Variants in DNER observed in about 807,000 individuals in gnomAD.
DNER encodes the protein delta/notch like EGF repeat containing.
Under a neutral mutation model 78.2 loss-of-function variants are expected in DNER, and 33 were observed. The ratio of observed to expected loss-of-function variants is 0.42; its 90% CI spans 0.32 to 0.56. DNER has a LOEUF of 0.56. Ranked by LOEUF, DNER falls within the 20% of genes least tolerant of loss-of-function variation. The probability of loss-of-function intolerance (pLI) is 0.11; values close to 1 mark genes in which losing one functional copy is unlikely to be tolerated. For missense variants in DNER, 918 were observed against 975.3 expected (o/e 0.94, Z 0.78); for synonymous variants, 417 against 384.8 (o/e 1.08, Z -0.98).
At chr2:229,512,730 T>G in intron 6 of DNER, 53 bp downstream of exon 6, 1 of 1,583,120 alleles carries the variant, frequency 6.3e-7, no homozygotes, top group Non-Finnish European at 8.6e-7. Context: ...AAACAAGAGG[T>G]GCATGCTGTA....
chr2:229,378,844 G>C (rs1160133983), intron 11 of DNER, among the ~76,000 whole-genome samples: 1 of 152,112 alleles, frequency 6.6e-6, no homozygotes. Context: ...TGGATCCTCA[G>C]ATCCATTCCA....
chr2:229,671,356 C>T (rs1052888267), intron 1 of DNER, among the ~76,000 whole-genome samples: 1 of 152,214 alleles, frequency 6.6e-6, no homozygotes, highest in Admixed American at 6.5e-5. Flanking sequence ...GTTCCTCCTG[C>T]TGTTCCTCCA....
At chr2:229,468,310 T>A (rs1210544192) in intron 7 of DNER, among the ~76,000 whole-genome samples, 1 of 152,178 alleles carries the variant, frequency 6.6e-6, no homozygotes, top group Non-Finnish European at 1.5e-5. Flanking sequence ...AGCTACAAGA[T>A]TAGACATTAC....
At chr2:229,367,220 A>C in intron 11 of DNER, 101 bp from the exon 12 acceptor site, 1 of 1,486,844 alleles carries the variant, frequency 6.7e-7, no homozygotes, top group Non-Finnish European at 9.0e-7. Context: ...CCTAAGGGCC[A>C]TTCAAACTTG....
At chr2:229,647,082 G>A (rs1333061594) in intron 1 of DNER, among the ~76,000 whole-genome samples, 3 of 152,132 alleles carry the variant, frequency 2.0e-5, no homozygotes, top group Admixed American at 6.5e-5. Context: ...CAGGAGAATC[G>A]CTTGAACCCA....
At chr2:229,599,057 GT>G (rs1251239556) in intron 1 of DNER, among the ~76,000 whole-genome samples, 1 of 152,122 alleles carries the variant, frequency 6.6e-6, no homozygotes, top group African/African-American at 2.4e-5. Flanking sequence ...GAAACCAAAT[GT>G]GACAAAGCCC....
rs117451312 is a variant in DNER, at chr2:229,430,096, T to A, written c.1487-11866A>T. Among the ~76,000 whole-genome samples, 30 of 152,210 alleles carry A rather than the reference T, an allele frequency of 2.0e-4. No homozygotes were observed. In the East Asian group the frequency reaches 5.6e-3, roughly 28 times the overall value. ...CTTTGCATACATAAATACAGAAGAGTTCTTTTCTTTACCAGTGCCTGTTTT... is the reference window on the plus strand; with the variant it reads ...CTTTGCATACATAAATACAGAAGAGATCTTTTCTTTACCAGTGCCTGTTTT... On this transcript the variant is annotated intron_variant, in intron 8 of 12. Transcript: ENST00000341772.
At chr2:229,626,262 T>TTGCA (rs1357287335) in intron 1 of DNER, among the ~76,000 whole-genome samples, 5 of 152,312 alleles carry the variant, frequency 3.3e-5, no homozygotes, top group South Asian at 2.1e-4. Context: ...GAAGTTTCTT[T>TTGCA]TGCATCCAAA....
chr2:229,437,617 A>G (rs1430654416), intron 8 of DNER, among the ~76,000 whole-genome samples: 1 of 152,228 alleles, frequency 6.6e-6, no homozygotes, highest in African/African-American at 2.4e-5. Flanking sequence ...ATAATGGCAC[A>G]TTGTTACAGA....
intron 1 of DNER, 77 bp downstream of exon 1, chr2:229,714,068 GGCA>G (rs1699952643): frequency 3.6e-5 from 43 of 1,203,748 alleles, no homozygotes; most frequent in Middle Eastern, 6.4e-4. Flanking sequence ...CCCATTGTCG[GGCA>G]GCAGCAGCAG....
chr2:229,711,912 T>C (rs1448646980), intron 1 of DNER, among the ~76,000 whole-genome samples: 2 of 152,130 alleles, frequency 1.3e-5, no homozygotes, highest in Non-Finnish European at 2.9e-5. Context: ...TTCTTTGCTG[T>C]TCCCATGAAA....
rs373356577 is a variant in DNER at position 229,512,837 on chromosome 2, T to C, written c.1093A>G (p.Ile365Val). 31 of 1,614,098 alleles carry C rather than the reference T, an allele frequency of 1.9e-5. No individual in the cohort carries two copies. Among genetic ancestry groups the C allele is most frequent in the Non-Finnish European group, 2.5e-5 (30 of 1,180,032 alleles). The stretch of plus-strand genomic sequence containing the variant: ...CCATCTTGCTTTTCATTTGCATCAA[T>C]ACAGCTCGCGTTGTTTTGGCAAGGT... Reference protein sequence around the residue: ...RKPCQNNASCIDANEKQDGSN... With the variant: ...RKPCQNNASCVDANEKQDGSN... The change falls in exon 6 of 13, where the codon ATT becomes GTT. Residue 365 changes from isoleucine (I) to valine (V), a missense_variant. Coordinates refer to ENST00000341772, the MANE Select transcript of DNER (RefSeq NM_139072.4).
chr2:229,636,257 C>A (rs1698530036), intron 1 of DNER, among the ~76,000 whole-genome samples: 1 of 152,194 alleles, frequency 6.6e-6, no homozygotes, highest in Non-Finnish European at 1.5e-5. Context: ...AACAGCTGGG[C>A]TCAGTCCCTC....
chr2:229,570,450 A>C (rs1697195204), intron 4 of DNER, among the ~76,000 whole-genome samples: 1 of 152,282 alleles, frequency 6.6e-6, no homozygotes, highest in East Asian at 1.9e-4. Context: ...AACATGGTGA[A>C]ACCCCGTCTC....
At chr2:229,474,977 T>C (rs1695000870) in intron 7 of DNER, among the ~76,000 whole-genome samples, 1 of 152,214 alleles carries the variant, frequency 6.6e-6, no homozygotes, top group Admixed American at 6.6e-5. Context: ...TGTTCAACAT[T>C]GTTCCAGAAT....
chr2:229,371,647 G>A (rs568460307), intron 11 of DNER, among the ~76,000 whole-genome samples: 52 of 152,338 alleles, frequency 3.4e-4, no homozygotes, highest in African/African-American at 1.2e-3. Context: ...CAGACAGTCA[G>A]TGGCCAAGCT....
At chr2:229,445,011 G>A (rs918494627) in intron 8 of DNER, among the ~76,000 whole-genome samples, 2 of 152,216 alleles carry the variant, frequency 1.3e-5, no homozygotes, top group Non-Finnish European at 2.9e-5. Flanking sequence ...CAGGAGACAG[G>A]TAATAAAGTA....
intron 7 of DNER, among the ~76,000 whole-genome samples, chr2:229,475,614 G>GA (rs1467028369): frequency 1.3e-5 from 2 of 152,174 alleles, no homozygotes; most frequent in Non-Finnish European, 2.9e-5. Flanking sequence ...TATACGTAAA[G>GA]TGCTCAGCAA....
intron 1 of DNER, among the ~76,000 whole-genome samples, chr2:229,652,238 G>A (rs547836763): frequency 2.0e-5 from 3 of 152,222 alleles, no homozygotes; most frequent in African/African-American, 7.2e-5. Context: ...TGTTCTGCTG[G>A]GGCTAGCTAG....
Sources: gnomAD v4.1 joint callset for allele counts (sites outside exome capture counted in the v4.1 genomes callset) on GRCh38, gnomAD v4.1.1 for gene constraint, MANE v1.5 for transcripts, NCBI Gene and HGNC (gene_info 2026-07-23, HGNC 2026-07-21) for gene names.